Variants in GRK3 observed in about 807,000 individuals in gnomAD.
GRK3 encodes G protein-coupled receptor kinase 3, also known as adrenergic, beta, receptor kinase 2.
GRK3 carries 54 observed loss-of-function variants against 95.7 expected under a neutral mutation model. The observed-to-expected ratio is 0.56, with a 90% CI of 0.45 to 0.71. The LOEUF is 0.71. GRK3 is among the 30% of genes least tolerant of loss of function. The pLI is 0.00. For missense variants in GRK3, 649 were observed against 851.2 expected, an observed-to-expected ratio of 0.76 and a Z score of 2.96; for synonymous variants, 281 against 290.8, an observed-to-expected ratio of 0.97 and a Z score of 0.34.
At chr22:25,642,269 C>T (rs1252501361) in intron 2 of GRK3, among the ~76,000 whole-genome samples, 1 of 152,088 alleles carries the variant, frequency 6.6e-6, no homozygotes, top group Non-Finnish European at 1.5e-5. Context: ...CCCGTATCTA[C>T]TAAAAATGCA....
chr22:25,662,287 T>C (rs1280861416), intron 4 of GRK3, among the ~76,000 whole-genome samples: 4 of 152,264 alleles, frequency 2.6e-5, no homozygotes, highest in African/African-American at 7.2e-5. Context: ...CTGACAGTCC[T>C]GGCCTGCTGT....
At chr22:25,687,421 AC>A in intron 10 of GRK3, 115 bp from the exon 11 acceptor site, 1 of 1,080,302 alleles carries the variant, frequency 9.3e-7, no homozygotes. Context: ...AGGTATATAG[AC>A]CAAGCAGAAG....
intron 2 of GRK3, among the ~76,000 whole-genome samples, chr22:25,615,556 A>G (rs2084531793): frequency 6.6e-6 from 1 of 152,022 alleles, no homozygotes; most frequent in South Asian, 2.1e-4. Context: ...TGTGGGGGTG[A>G]TGGTTAAGCT....
At chr22:25,627,641 C>T (rs2084637355) in intron 2 of GRK3, among the ~76,000 whole-genome samples, 1 of 152,176 alleles carries the variant, frequency 6.6e-6, no homozygotes, top group East Asian at 1.9e-4. Context: ...TAAGTACTAG[C>T]CATTGTGCTA....
rs530105061 is a variant in GRK3 at position 25,725,174 on chromosome 22, C to T, written c.*2724C>T. On this transcript the variant is annotated 3_prime_UTR_variant, in exon 21 of 21. Transcript: ENST00000324198. ...GTTTTAGAAGGTTTTCCAAGTATTACATAATTCCTAGATGTTCACCCTTAT... is the reference window on the plus strand; with the variant it reads ...GTTTTAGAAGGTTTTCCAAGTATTATATAATTCCTAGATGTTCACCCTTAT... The T allele has an allele frequency of 2.7e-4, 45 of 163,840 alleles. No homozygotes were observed. Among genetic ancestry groups the T allele is most frequent in the African/African-American group, 9.5e-4 (40 of 42,122 alleles). 10.1% of individuals were successfully genotyped at this position (163,840 alleles called of 1,614,324 possible).
At chr22:25,683,074 G>A (rs915520764) in intron 9 of GRK3, among the ~76,000 whole-genome samples, 1 of 152,250 alleles carries the variant, frequency 6.6e-6, no homozygotes, top group Non-Finnish European at 1.5e-5. Context: ...TTATTTTATA[G>A]AGCCCATTAC....
rs567311557 is a variant in GRK3, at chr22:25,617,286, G to A, written c.190+12833G>A. On this transcript the variant is annotated intron_variant, in intron 2 of 20. Transcript: ENST00000324198. Reference sequence around the variant, plus strand: ...AGAAGATTGAAATTAGTTGTTTTTGGCTTCTGCTTTTCAGCCAGCAGTTGA... The same window carrying A: ...AGAAGATTGAAATTAGTTGTTTTTGACTTCTGCTTTTCAGCCAGCAGTTGA... 4.6e-5 allele frequency among the ~76,000 whole-genome samples: 7 copies of A among 152,190 alleles called. No individual in the cohort carries two copies. The South Asian group carries it at 1.5e-3, about 32-fold the overall frequency.
intron 2 of GRK3, 96 bp downstream of exon 2, chr22:25,604,549 T>A: frequency 4.1e-6 from 3 of 739,696 alleles, no homozygotes; most frequent in Non-Finnish European, 6.6e-6. Flanking sequence ...GTGCTTTATA[T>A]CCTCTATAGC....
chr22:25,646,084 C>T (rs931594022), intron 3 of GRK3, among the ~76,000 whole-genome samples: 1 of 151,954 alleles, frequency 6.6e-6, no homozygotes, highest in Non-Finnish European at 1.5e-5. Flanking sequence ...TAGGTAATAA[C>T]ATTATATAAG....
At chr22:25,707,417 T>G (rs1244200556) in intron 15 of GRK3, among the ~76,000 whole-genome samples, 1 of 152,236 alleles carries the variant, frequency 6.6e-6, no homozygotes, top group Non-Finnish European at 1.5e-5. Context: ...AATGTCTGTT[T>G]ACTGGGCACA....
chr22:25,646,752 A>G (rs1210974570), intron 3 of GRK3, among the ~76,000 whole-genome samples: 3 of 152,154 alleles, frequency 2.0e-5, no homozygotes, highest in Admixed American at 1.3e-4. Flanking sequence ...GCTGGGCACA[A>G]TGGCTCACGC....
intron 2 of GRK3, among the ~76,000 whole-genome samples, chr22:25,639,464 G>C (rs1381360688): frequency 6.6e-6 from 1 of 152,042 alleles, no homozygotes; most frequent in Non-Finnish European, 1.5e-5. Context: ...ATAAATGTGG[G>C]CATATTCTGG....
Position 25,667,747 on chromosome 22 carries a change from A to G in GRK3, c.450A>G (p.Ile150Met), listed in dbSNP as rs747149961. The change falls in exon 6 of 21, where the codon ATA becomes ATG. Residue 150 changes from isoleucine to methionine, a missense_variant. Physicochemically the swap from Ile to Met is conservative, Grantham distance 10. Transcript: ENST00000324198. ...QVTSTLFQPY[I>M]EEICESLRGD... ...TTTTCCATCTCTTCCAGCCATACAT[A>G]GAAGAAATTTGTGAAAGCCTTCGAG... 27 of 1,610,762 alleles carry G rather than the reference A, an allele frequency of 1.7e-5. No homozygotes were observed. In the Admixed American group the frequency reaches 4.3e-4, roughly 26 times the overall value.
intron 9 of GRK3, 37 bp downstream of exon 9, chr22:25,678,952 T>A (rs575157082): frequency 1.8e-4 from 244 of 1,364,388 alleles, no homozygotes; most frequent in Non-Finnish European, 1.8e-4. Context: ...TTTAAAAATG[T>A]TTTGTTTGTT....
chr22:25,700,854 G>T (rs879734489), intron 13 of GRK3, among the ~76,000 whole-genome samples: 9 of 152,170 alleles, frequency 5.9e-5, no homozygotes, highest in Non-Finnish European at 1.3e-4. Context: ...CAAAGTGTGG[G>T]ATTACAGGCG....
intron 1 of GRK3, among the ~76,000 whole-genome samples, chr22:25,576,541 T>C (rs1354743144): frequency 2.0e-5 from 3 of 152,240 alleles, no homozygotes; most frequent in Admixed American, 2.0e-4. Context: ...AGCTTTTTTC[T>C]TTATTTAGAG....
intron 9 of GRK3, among the ~76,000 whole-genome samples, chr22:25,683,743 T>A (rs1442042563): frequency 6.6e-6 from 1 of 152,226 alleles, no homozygotes; most frequent in African/African-American, 2.4e-5. Flanking sequence ...GTTGATTTTT[T>A]AAAGTTCTTT....
chr22:25,609,385 A>G (rs1028391006), intron 2 of GRK3, among the ~76,000 whole-genome samples: 9 of 151,340 alleles, frequency 5.9e-5, no homozygotes, highest in Admixed American at 4.0e-4. Flanking sequence ...AGGCTGGAGT[A>G]CAGTGGTACA....
At chr22:25,634,597 A>G (rs2084686822) in intron 2 of GRK3, among the ~76,000 whole-genome samples, 1 of 152,218 alleles carries the variant, frequency 6.6e-6, no homozygotes. Flanking sequence ...TTTAATTATA[A>G]GGGAGCTTAT....
Sources: allele counts gnomAD v4.1 joint callset (sites outside exome capture counted in the v4.1 genomes callset), GRCh38; gene constraint gnomAD v4.1.1; transcripts MANE v1.5; gene names NCBI Gene and HGNC (gene_info 2026-07-23, HGNC 2026-07-21).